The following CYP2C8 variants were observed in gnomAD, a reference collection of about 807,000 sequenced individuals.
The protein encoded by CYP2C8 is cytochrome P450 2C8.
A neutral mutation model predicts 41.3 loss-of-function variants in CYP2C8; 51 were observed. That is an observed-to-expected ratio of 1.24 (90% CI 0.99 to 1.56). CYP2C8 has a LOEUF of 1.56. Ranked by LOEUF, CYP2C8 falls within the 40% of genes most tolerant of loss-of-function variation. The pLI, the probability that CYP2C8 is intolerant of heterozygous loss-of-function variation, is 0.00. For synonymous variants in CYP2C8, 218 were observed against 205.8 expected, an observed-to-expected ratio of 1.06 and a Z score of -0.51; for missense variants, 651 against 579.9, an observed-to-expected ratio of 1.12 and a Z score of -1.26.
At chr10:95,054,674 A>G (rs988521910) in intron 5 of CYP2C8, among the ~76,000 whole-genome samples, 3 of 152,120 alleles carry the variant, frequency 2.0e-5, no homozygotes, top group Admixed American at 6.6e-5. Context: ...ATAACCCACA[A>G]AAAACAACTA....
At chr10:95,044,679 GT>G (rs2033074252) in intron 6 of CYP2C8, among the ~76,000 whole-genome samples, 1 of 152,078 alleles carries the variant, frequency 6.6e-6, no homozygotes, top group African/African-American at 2.4e-5. Context: ...GAGTACAGGG[GT>G]TCTTAGGCTC....
intron 5 of CYP2C8, among the ~76,000 whole-genome samples, chr10:95,056,185 T>C (rs557950550): frequency 9.2e-5 from 14 of 152,198 alleles, no homozygotes; most frequent in African/African-American, 3.1e-4. Flanking sequence ...AGCTAATTAA[T>C]ATCATAGGTC....
intron 5 of CYP2C8, among the ~76,000 whole-genome samples, chr10:95,050,653 G>C (rs2033195832): frequency 6.6e-6 from 1 of 152,122 alleles, no homozygotes; most frequent in African/African-American, 2.4e-5. Context: ...CTTGGATCTT[G>C]TCCAAGACCA....
intron 4 of CYP2C8, among the ~76,000 whole-genome samples, chr10:95,061,210 G>A (rs568530159): frequency 6.6e-6 from 1 of 152,334 alleles, no homozygotes; most frequent in East Asian, 1.9e-4. Context: ...AATTTCAGAA[G>A]GAATGGTACC....
At chr10:95,053,011 C>A (rs1404258634) in intron 5 of CYP2C8, among the ~76,000 whole-genome samples, 1 of 147,822 alleles carries the variant, frequency 6.8e-6, no homozygotes, top group African/African-American at 2.5e-5. Flanking sequence ...TACTCATTTG[C>A]AGAGAATATA....
intron 4 of CYP2C8, among the ~76,000 whole-genome samples, chr10:95,063,640 G>A (rs1027690989): frequency 6.6e-6 from 1 of 152,154 alleles, no homozygotes; most frequent in African/African-American, 2.4e-5. Flanking sequence ...CTCTCAGCTC[G>A]TCAAAGTCAT....
At chr10:95,067,950 C>T (rs1003423422) in intron 1 of CYP2C8, among the ~76,000 whole-genome samples, 1 of 152,212 alleles carries the variant, frequency 6.6e-6, no homozygotes, top group African/African-American at 2.4e-5. Flanking sequence ...ACACATTCAG[C>T]ACATTCATTT....
intron 6 of CYP2C8, among the ~76,000 whole-genome samples, chr10:95,043,957 T>G (rs1261134623): frequency 6.6e-6 from 1 of 152,126 alleles, no homozygotes; most frequent in Non-Finnish European, 1.5e-5. Context: ...CAAGTTAGAG[T>G]ATTTGCACAT....
chr10:95,067,440 C>G, intron 2 of CYP2C8, 83 bp from the exon 3 acceptor site: 1 of 1,612,728 alleles, frequency 6.2e-7, no homozygotes. Context: ...TGCAGATAGG[C>G]TAAGCTCTGC....
intron 4 of CYP2C8, 108 bp from the exon 5 acceptor site, chr10:95,058,619 A>G (rs2033359313): frequency 9.8e-7 from 1 of 1,022,356 alleles, no homozygotes; most frequent in Admixed American, 2.6e-5. Flanking sequence ...CATCATGTCC[A>G]TTTTGAAGGG....
intron 7 of CYP2C8, 83 bp from the exon 8 acceptor site, chr10:95,039,121 C>A: frequency 7.8e-7 from 1 of 1,286,584 alleles, no homozygotes; most frequent in Non-Finnish European, 1.1e-6. Flanking sequence ...AGCGCCATAA[C>A]GTTGATCTAT....
At chr10:95,039,071 A>G (rs1244553156) in intron 7 of CYP2C8, 33 bp from the exon 8 acceptor site, 1 of 1,603,894 alleles carries the variant, frequency 6.2e-7, no homozygotes, top group Non-Finnish European at 8.5e-7. Flanking sequence ...TCTGATTTAT[A>G]AAGAAGTCCA....
chr10:95,061,842 T>C (rs1195106968), intron 4 of CYP2C8, among the ~76,000 whole-genome samples: 1 of 152,230 alleles, frequency 6.6e-6, no homozygotes, highest in Non-Finnish European at 1.5e-5. Flanking sequence ...ATGTTGTGTC[T>C]TTGTTCTCAT....
In CYP2C8 at chr10:95,069,272, T is replaced by G. The variant is rs745933397; in HGVS notation, c.131A>C (p.Gln44Pro). Residue 44 changes from glutamine (Q) to proline (P), a missense_variant, in exon 1 of 9, where the codon CAG becomes CCG. By Grantham distance (76) the Gln-to-Pro change is moderately conservative (BLOSUM62 -1). Transcript: ENST00000371270. ...TPLPIIGNML[Q>P]IDVKDICKSF... Reference sequence around the variant, plus strand: ...TTTGCAGATGTCCTTAACATCTATCTGTAGCATATTTCCAATAATAGGAAG... The same window carrying G: ...TTTGCAGATGTCCTTAACATCTATCGGTAGCATATTTCCAATAATAGGAAG... 14 of 1,613,974 alleles carry G rather than the reference T, an allele frequency of 8.7e-6. No individual in the cohort carries two copies. The East Asian group carries it at 3.1e-4, about 36-fold the overall frequency.
intron 6 of CYP2C8, among the ~76,000 whole-genome samples, chr10:95,043,890 A>G (rs1360889889): frequency 6.6e-6 from 1 of 151,224 alleles, no homozygotes; most frequent in Non-Finnish European, 1.5e-5. Flanking sequence ...ACACACACAT[A>G]TACACACATA....
chr10:95,061,528 CTCTTT>C (rs2033435288), intron 4 of CYP2C8, among the ~76,000 whole-genome samples: 1 of 151,992 alleles, frequency 6.6e-6, no homozygotes, highest in African/African-American at 2.4e-5. Context: ...TGAGTTTTCT[CTCTTT>C]TCTTCTTTAT....
chr10:95,057,577 C>G (rs897578490), intron 5 of CYP2C8, among the ~76,000 whole-genome samples: 1 of 152,074 alleles, frequency 6.6e-6, no homozygotes, highest in African/African-American at 2.4e-5. Flanking sequence ...GTAATTAAGA[C>G]TTCAAAATGA....
In CYP2C8 at chr10:95,042,875, G is replaced by T; in HGVS notation, c.1149+15C>A. 6.2e-7 allele frequency: 1 copy of T among 1,607,558 alleles called. No homozygotes were observed. Among genetic ancestry groups the T allele is most frequent in the East Asian group, 2.2e-5 (1 of 44,836 alleles). Reference sequence around the variant, plus strand: ...TCAGAAGTACAGAAATATAGTGTAAGAGAAACAAGCTTACCTTGGGGATGA... The same window carrying T: ...TCAGAAGTACAGAAATATAGTGTAATAGAAACAAGCTTACCTTGGGGATGA... On this transcript the variant is annotated intron_variant, in intron 7 of 8. Transcript: ENST00000371270.
chr10:95,068,695 A>C (rs1041170592), intron 1 of CYP2C8: 1 of 926,160 alleles, frequency 1.1e-6, no homozygotes, highest in Admixed American at 2.3e-5. Flanking sequence ...TATATAATAC[A>C]ATGACCCCAA....
Sources: allele counts gnomAD v4.1 joint callset (sites outside exome capture counted in the v4.1 genomes callset), GRCh38; gene constraint gnomAD v4.1.1; transcripts MANE v1.5; gene names NCBI Gene and HGNC (gene_info 2026-07-23, HGNC 2026-07-21).